The following GALNTL6 variants were observed in gnomAD, a reference collection of about 807,000 sequenced individuals.
GALNTL6 encodes the protein polypeptide N-acetylgalactosaminyltransferase-like 6.
In GALNTL6, 46 loss-of-function variants were observed where a neutral mutation model predicts 73.7. That is an observed-to-expected ratio of 0.62 (90% CI 0.49 to 0.80). GALNTL6 has a LOEUF of 0.80. Among genes scored for constraint, GALNTL6 ranks in the 30% least tolerant of loss-of-function variants. The pLI, the probability that GALNTL6 is intolerant of heterozygous loss-of-function variation, is 0.00. For synonymous variants in GALNTL6, 259 were observed against 263.7 expected (o/e 0.98, Z 0.17); for missense variants, 604 against 755.0 (o/e 0.80, Z 2.34).
intron 2 of GALNTL6, among the ~76,000 whole-genome samples, chr4:171,824,077 T>TTAAATATATATA (rs1553962444): frequency 1.5e-5 from 2 of 129,218 alleles, no homozygotes; most frequent in Non-Finnish European, 3.2e-5. Context: ...CAAATCCATT[T>TTAAATATATATA]TATATATATA....
intron 2 of GALNTL6, among the ~76,000 whole-genome samples, chr4:171,885,428 C>T (rs540840384): frequency 6.6e-6 from 1 of 152,114 alleles, no homozygotes; most frequent in Non-Finnish European, 1.5e-5. Flanking sequence ...ATTTGGGGGA[C>T]TCTTCATTGG....
At chr4:171,868,939 C>T (rs1736055614) in intron 2 of GALNTL6, among the ~76,000 whole-genome samples, 1 of 152,176 alleles carries the variant, frequency 6.6e-6, no homozygotes, top group Non-Finnish European at 1.5e-5. Flanking sequence ...CCTCGGCCTG[C>T]CAAAGTGCTG....
intron 5 of GALNTL6, among the ~76,000 whole-genome samples, chr4:172,580,661 AT>A (rs1160294328): frequency 6.6e-6 from 1 of 152,200 alleles, no homozygotes; most frequent in Non-Finnish European, 1.5e-5. Flanking sequence ...CCCCAGAATA[AT>A]TCAGCACCTA....
intron 5 of GALNTL6, among the ~76,000 whole-genome samples, chr4:172,582,526 T>C (rs1257639299): frequency 6.6e-6 from 1 of 152,182 alleles, no homozygotes; most frequent in Non-Finnish European, 1.5e-5. Context: ...CCTGAAGATA[T>C]TAAAGCTGAC....
At chr4:172,001,392 A>C (rs1263230049) in intron 2 of GALNTL6, among the ~76,000 whole-genome samples, 1 of 152,122 alleles carries the variant, frequency 6.6e-6, no homozygotes, top group Non-Finnish European at 1.5e-5. Context: ...TATAATTTAC[A>C]TTTGATTCTG....
chr4:172,923,020 G>A (rs886148613), intron 8 of GALNTL6, among the ~76,000 whole-genome samples: 13 of 152,188 alleles, frequency 8.5e-5, no homozygotes, highest in African/African-American at 3.1e-4. Context: ...TAAGCAGAGA[G>A]GAGGGGAAAC....
intron 2 of GALNTL6, among the ~76,000 whole-genome samples, chr4:171,942,528 G>GA (rs1339763486): frequency 1.3e-5 from 2 of 152,086 alleles, no homozygotes; most frequent in African/African-American, 4.8e-5. Context: ...CCTTGCTTGA[G>GA]AAAAATGCTG....
chr4:172,808,557 T>C (rs1256441455), intron 5 of GALNTL6, among the ~76,000 whole-genome samples: 1 of 152,170 alleles, frequency 6.6e-6, no homozygotes, highest in South Asian at 2.1e-4. Context: ...ATATAAAATA[T>C]ATAAGTACAT....
At chr4:172,262,923 G>C (rs1370426227) in intron 3 of GALNTL6, among the ~76,000 whole-genome samples, 1 of 150,928 alleles carries the variant, frequency 6.6e-6, no homozygotes, top group Non-Finnish European at 1.5e-5. Flanking sequence ...AATTTTTTTT[G>C]TTTCAGGAGG....
intron 5 of GALNTL6, among the ~76,000 whole-genome samples, chr4:172,700,300 C>G (rs1733953851): frequency 6.6e-6 from 1 of 152,028 alleles, no homozygotes. Flanking sequence ...ATGCAGTGGA[C>G]ATTTCTAGAT....
intron 7 of GALNTL6, among the ~76,000 whole-genome samples, chr4:172,814,403 G>T (rs1741486078): frequency 6.6e-6 from 1 of 152,132 alleles, no homozygotes; most frequent in African/African-American, 2.4e-5. Context: ...GAAAAAATAT[G>T]TATAGTTTAG....
intron 3 of GALNTL6, among the ~76,000 whole-genome samples, chr4:172,289,247 G>A (rs1220896741): frequency 6.6e-6 from 1 of 152,100 alleles, no homozygotes; most frequent in Non-Finnish European, 1.5e-5. Flanking sequence ...ACTATGTTTT[G>A]TTGCGTTCTT....
chr4:171,830,255 T>C (rs1272500747), intron 2 of GALNTL6, among the ~76,000 whole-genome samples: 1 of 152,166 alleles, frequency 6.6e-6, no homozygotes, highest in African/African-American at 2.4e-5. Context: ...TTCAGATTTC[T>C]GGTCTCCTGA....
rs1437342119 is a variant in GALNTL6 at position 172,639,830 on chromosome 4, C to T, written c.554-169531C>T. On this transcript the variant is annotated intron_variant, in intron 5 of 12. Transcript: ENST00000506823. ...TAGGTGAAATTTCTATGTTTTAATA[C>T]CATGTATAAAAGCTTATCCTTTTTC... is the stretch of plus-strand genomic sequence containing the variant. 3.9e-5 allele frequency among the ~76,000 whole-genome samples: 6 copies of T among 152,212 alleles called. No individual in the cohort carries two copies. In the South Asian group the frequency reaches 1.2e-3, roughly 32 times the overall value.
chr4:172,206,791 TG>T (rs1560969231), intron 2 of GALNTL6, among the ~76,000 whole-genome samples: 587 of 52,592 alleles, frequency 0.011, 170 homozygotes, highest in East Asian at 0.051. Context: ...TGTTTTGTTT[TG>T]TTTTGTTTTT....
At chr4:171,965,428 G>A (rs371413427) in intron 2 of GALNTL6, among the ~76,000 whole-genome samples, 7 of 152,000 alleles carry the variant, frequency 4.6e-5, no homozygotes, top group East Asian at 3.9e-4. Flanking sequence ...AAACCGAGGC[G>A]GGCGGATCAC....
At chr4:172,313,078 A>T (rs1262073877) in intron 4 of GALNTL6, among the ~76,000 whole-genome samples, 1 of 152,012 alleles carries the variant, frequency 6.6e-6, no homozygotes, top group East Asian at 1.9e-4. Context: ...TGGCATAATA[A>T]ATATGCTAAG....
At chr4:172,516,976 C>T (rs1451928338) in intron 5 of GALNTL6, among the ~76,000 whole-genome samples, 1 of 151,994 alleles carries the variant, frequency 6.6e-6, no homozygotes, top group Non-Finnish European at 1.5e-5. Flanking sequence ...GTATCTACAG[C>T]AGTCACATTC....
intron 2 of GALNTL6, among the ~76,000 whole-genome samples, chr4:172,036,053 T>C (rs1255290248): frequency 6.6e-6 from 1 of 152,142 alleles, no homozygotes; most frequent in Non-Finnish European, 1.5e-5. Flanking sequence ...CATTTAATAA[T>C]TGAGTTATTT....
Sources: gnomAD v4.1 joint callset for allele counts (sites outside exome capture counted in the v4.1 genomes callset) on GRCh38, gnomAD v4.1.1 for gene constraint, MANE v1.5 for transcripts, NCBI Gene and HGNC (gene_info 2026-07-23, HGNC 2026-07-21) for gene names.